Variants in NRXN3 observed in about 807,000 individuals in gnomAD.
NRXN3 encodes neurexin 3.
In NRXN3, 32 loss-of-function variants were observed where a neutral mutation model predicts 137.6. The ratio of observed to expected loss-of-function variants is 0.23; its 90% CI spans 0.18 to 0.31. The LOEUF (loss-of-function observed/expected upper bound fraction) is 0.31, where lower values mean the gene tolerates loss of function less well. Among genes scored for constraint, NRXN3 ranks in the 10% least tolerant of loss-of-function variants. The probability of loss-of-function intolerance (pLI) is 1.00; values close to 1 mark genes in which losing one functional copy is unlikely to be tolerated. For synonymous variants in NRXN3, 798 were observed against 784.5 expected, an observed-to-expected ratio of 1.02 and a Z score of -0.29; for missense variants, 1,574 against 2,062.5, an observed-to-expected ratio of 0.76 and a Z score of 4.59.
chr14:79,560,504 C>CTTTTCTTTTTTTT (rs536703528), intron 16 of NRXN3, among the ~76,000 whole-genome samples: 11 of 43,766 alleles, frequency 2.5e-4, no homozygotes, highest in Admixed American at 4.2e-4. Flanking sequence ...AGATTGTAAG[C>CTTTTCTTTTTTTT]TTTTTTTTTT....
intron 4 of NRXN3, among the ~76,000 whole-genome samples, chr14:78,631,358 C>T (rs1221764450): frequency 2.0e-5 from 3 of 152,162 alleles, no homozygotes; most frequent in African/African-American, 7.2e-5. Flanking sequence ...TGGTCAGAAA[C>T]CTTGACCAAC....
At chr14:78,257,628 G>A (rs115252346) in intron 2 of NRXN3, among the ~76,000 whole-genome samples, 2,126 of 152,324 alleles carry the variant, frequency 0.014, 51 homozygotes, top group African/African-American at 0.049. Flanking sequence ...GCAGCTTGCT[G>A]TTTCCAGCTG....
chr14:79,752,107 T>C lies in NRXN3; in HGVS notation c.4015-53005T>C, dbSNP rs1274481032. Among the ~76,000 whole-genome samples, 6 of 152,266 alleles carry C rather than the reference T, an allele frequency of 3.9e-5. No individual in the cohort carries two copies. The South Asian group carries it at 6.2e-4, about 16-fold the overall frequency. ...CTCATAAAACGAGTTAGGGAGGATTTCCTCTTTTTCTATTGATTGGAATAG... is the reference window on the plus strand; with the variant it reads ...CTCATAAAACGAGTTAGGGAGGATTCCCTCTTTTTCTATTGATTGGAATAG... On this transcript the variant is annotated intron_variant, in intron 19 of 20. Coordinates refer to ENST00000335750, the MANE Select transcript of NRXN3 (RefSeq NM_001330195.2).
chr14:78,463,800 T>C (rs1249790158), intron 4 of NRXN3, among the ~76,000 whole-genome samples: 2 of 150,582 alleles, frequency 1.3e-5, no homozygotes, highest in Non-Finnish European at 2.9e-5. Flanking sequence ...ATATAGCAAG[T>C]ACTCAGCAAA....
intron 15 of NRXN3, among the ~76,000 whole-genome samples, chr14:79,141,620 T>C (rs997034628): frequency 2.6e-5 from 4 of 152,172 alleles, no homozygotes; most frequent in African/African-American, 7.2e-5. Flanking sequence ...TCCAGTCTTT[T>C]AGGCCAGTGA....
chr14:78,900,641 T>C (rs1298982209), intron 10 of NRXN3, among the ~76,000 whole-genome samples: 1 of 151,954 alleles, frequency 6.6e-6, no homozygotes, highest in Non-Finnish European at 1.5e-5. Flanking sequence ...AATAGTATTA[T>C]CAATGTTTTC....
At chr14:78,910,823 C>G (rs2152779760) in intron 10 of NRXN3, among the ~76,000 whole-genome samples, 1 of 152,220 alleles carries the variant, frequency 6.6e-6, no homozygotes, top group East Asian at 1.9e-4. Flanking sequence ...GCAAGTGCAC[C>G]AGAAACTTTG....
intron 9 of NRXN3, among the ~76,000 whole-genome samples, chr14:78,805,966 C>T (rs1471976548): frequency 6.6e-6 from 1 of 151,958 alleles, no homozygotes; most frequent in Non-Finnish European, 1.5e-5. Flanking sequence ...ATACATCCCA[C>T]ATGCATTTCT....
In NRXN3 at chr14:78,988,224, A is replaced by T. The variant is rs1392226650; in HGVS notation, c.3262+83A>T. 9.8e-6 allele frequency: 15 copies of T among 1,523,976 alleles called. No homozygotes were observed. The East Asian group carries it at 3.4e-4, about 34-fold the overall frequency. The allele number at this position is 1,523,976 out of a possible 1,614,324, so 94.4% of individuals were successfully genotyped here. A position where few individuals can be genotyped will look rare whatever the true frequency, so the allele number is the denominator to read the frequency against. Reference sequence around the variant, plus strand: ...ATCTTAAAGGACAATATGTAAAAGGATGGCTCTTCTGAAAGATTCATAAGT... The same window carrying T: ...ATCTTAAAGGACAATATGTAAAAGGTTGGCTCTTCTGAAAGATTCATAAGT... On this transcript the variant is annotated intron_variant, in intron 15 of 20. Transcript: ENST00000335750.
intron 10 of NRXN3, among the ~76,000 whole-genome samples, chr14:78,824,457 A>G (rs1356815095): frequency 6.6e-6 from 1 of 152,218 alleles, no homozygotes; most frequent in African/African-American, 2.4e-5. Context: ...AATCATATAG[A>G]AGGCATTAGT....
chr14:78,834,480 A>G (rs534734197), intron 10 of NRXN3, among the ~76,000 whole-genome samples: 3 of 152,192 alleles, frequency 2.0e-5, no homozygotes, highest in Non-Finnish European at 4.4e-5. Context: ...AGCTGAAGCA[A>G]AAAGTTGCAT....
At chr14:78,369,903 G>A (rs1446023220) in intron 4 of NRXN3, among the ~76,000 whole-genome samples, 2 of 147,490 alleles carry the variant, frequency 1.4e-5, no homozygotes, top group African/African-American at 5.0e-5. Flanking sequence ...CAGCTGGAGA[G>A]GGATTCTATA....
intron 2 of NRXN3, chr14:78,250,086 A>AT (rs764822326): frequency 1.2e-5 from 6 of 516,692 alleles, no homozygotes; most frequent in African/African-American, 1.9e-5. Flanking sequence ...TATGATTCTC[A>AT]TTTTTTTGGA....
At chr14:79,235,542 A>G (rs1172919074) in intron 15 of NRXN3, among the ~76,000 whole-genome samples, 1 of 152,132 alleles carries the variant, frequency 6.6e-6, no homozygotes, top group African/African-American at 2.4e-5. Context: ...TTCTGAATTA[A>G]TTCTGTCAGT....
chr14:78,304,616 G>T (rs1344885232), intron 4 of NRXN3, among the ~76,000 whole-genome samples: 1 of 152,162 alleles, frequency 6.6e-6, no homozygotes, highest in Admixed American at 6.5e-5. Flanking sequence ...TCCATTTAGG[G>T]ATTGCCCGTT....
chr14:78,557,771 A>G (rs143093097), intron 4 of NRXN3, among the ~76,000 whole-genome samples: 130 of 152,328 alleles, frequency 8.5e-4, no homozygotes, highest in African/African-American at 3.0e-3. Context: ...TAAAGCGTCA[A>G]AGAATATCTA....
At chr14:79,376,738 T>C (rs1168709355) in intron 15 of NRXN3, among the ~76,000 whole-genome samples, 6 of 152,152 alleles carry the variant, frequency 3.9e-5, no homozygotes, top group Non-Finnish European at 8.8e-5. Context: ...GCCTGGGAGC[T>C]CTCCAAGGTG....
At chr14:79,097,345 G>C (rs76771446) in intron 15 of NRXN3, among the ~76,000 whole-genome samples, 2 of 152,132 alleles carry the variant, frequency 1.3e-5, no homozygotes, top group Non-Finnish European at 2.9e-5. Context: ...CTAAAAATGC[G>C]CTGGCTCTGT....
chr14:79,560,504 CTTTTTTTTT>C (rs34025659), intron 16 of NRXN3, among the ~76,000 whole-genome samples: 2 of 43,768 alleles, frequency 4.6e-5, no homozygotes, highest in African/African-American at 1.6e-4. Flanking sequence ...AGATTGTAAG[CTTTTTTTTT>C]TTTTTTTTTT....
Sources: allele counts gnomAD v4.1 joint callset (sites outside exome capture counted in the v4.1 genomes callset), GRCh38; gene constraint gnomAD v4.1.1; transcripts MANE v1.5; gene names NCBI Gene and HGNC (gene_info 2026-07-23, HGNC 2026-07-21).